Variants in SLC3A2 observed in about 807,000 individuals in gnomAD.
The protein encoded by SLC3A2 is amino acid transporter heavy chain SLC3A2.
A neutral mutation model predicts 48.5 loss-of-function variants in SLC3A2; 32 were observed. The observed-to-expected ratio is 0.66, with a 90% confidence interval of 0.50 to 0.89. The LOEUF is 0.89. Among genes scored for constraint, SLC3A2 ranks in the 40% least tolerant of loss-of-function variants. The pLI is 0.00. For missense variants in SLC3A2, 587 were observed against 680.7 expected (o/e 0.86, Z 1.53); for synonymous variants, 277 against 288.8 (o/e 0.96, Z 0.41).
rs1199681224 is a variant in SLC3A2 at position 62,882,286 on chromosome 11, C to T, written c.598+220C>T. 3 of 545,830 alleles carry T rather than the reference C, an allele frequency of 5.5e-6. No homozygotes were observed. The East Asian group carries it at 9.3e-5, about 17-fold the overall frequency. The allele number at this position is 545,830 out of a possible 1,614,324, so 33.8% of individuals were successfully genotyped here. A position where few individuals can be genotyped will look rare whatever the true frequency, so the allele number is the denominator to read the frequency against. ...TTGAGCAGGTCATTTAACTTCTGGG[C>T]TTCAGTGCCCTTATTTGCAAAATAT... On this transcript the variant is annotated intron_variant, in intron 2 of 8. Coordinates refer to ENST00000338663, the MANE Select transcript of SLC3A2 (RefSeq NM_001013251.3).
chr11:62,880,783 C>CT (rs1399060217), upstream of SLC3A2: 1 of 673,484 alleles, frequency 1.5e-6, no homozygotes, highest in Non-Finnish European at 2.3e-6. Flanking sequence ...GTGTTCCTGA[C>CT]TTTACTACCC....
intron 3 of SLC3A2, chr11:62,883,880 C>T (rs2085673448): frequency 2.4e-6 from 1 of 425,326 alleles, no homozygotes; most frequent in Non-Finnish European, 4.7e-6. Flanking sequence ...TTCCATTCAG[C>T]AGCACTGGCC....
intron 1 of SLC3A2, among the ~76,000 whole-genome samples, chr11:62,867,947 G>T (rs112003144): frequency 6.6e-6 from 1 of 150,756 alleles, no homozygotes; most frequent in African/African-American, 2.4e-5. Context: ...TTTTGAGACA[G>T]TCTCACTCTT....
At chr11:62,869,786 AT>A (rs755881489) in intron 1 of SLC3A2, among the ~76,000 whole-genome samples, 2,452 of 135,750 alleles carry the variant, frequency 0.018, 37 homozygotes, top group African/African-American at 0.054. Flanking sequence ...TCTTTTGTGT[AT>A]TTTTTTTTTT....
chr11:62,880,853 G>C, upstream of SLC3A2: 1 of 1,376,700 alleles, frequency 7.3e-7, no homozygotes, highest in South Asian at 1.6e-5. Context: ...GGCCGGGGCG[G>C]GGCTCCGCTG....
chr11:62,885,033 G>A, intron 5 of SLC3A2, 144 bp from the exon 6 acceptor site: 1 of 831,706 alleles, frequency 1.2e-6, no homozygotes, highest in Non-Finnish European at 1.9e-6. Context: ...GTTTCTCCAT[G>A]TTGGTCAAGC....
At chr11:62,866,108 T>G (rs975142760) in intron 1 of SLC3A2, among the ~76,000 whole-genome samples, 1 of 151,530 alleles carries the variant, frequency 6.6e-6, no homozygotes, top group Admixed American at 6.6e-5. Context: ...GCATGCCCAC[T>G]TTTTTCAGCC....
chr11:62,881,291 C>G lies in SLC3A2; in HGVS notation c.268C>G (p.Leu90Val). The stretch of plus-strand genomic sequence containing the variant: ...CTGGGCACTGCTGCTGCTCTTCTGG[C>G]TCGGCTGGCTCGGCATGCTTGCTGG... ...TRWALLLLFW[L>V]GWLGMLAGAV... is the part of the protein sequence containing the mutation. Residue 90 changes from leucine (L) to valine (V), a missense_variant, in exon 1 of 9, where the codon CTC becomes GTC. Physicochemically the swap from Leu to Val is conservative, Grantham distance 32 (BLOSUM62 1). Around this residue, in one of 3 missense-constraint regions of SLC3A2, gnomAD observed 409 missense variants for 446.7 expected, o/e 0.92. Transcript: ENST00000338663. The surrounding 1 kb of genome is among the most constrained non-coding windows in gnomAD (Gnocchi z 4.0). 2 of 1,576,388 alleles carry G rather than the reference C, an allele frequency of 1.3e-6. No individual in the cohort carries two copies. Among genetic ancestry groups the G allele is most frequent in the Non-Finnish European group, 1.7e-6 (2 of 1,164,312 alleles).
In SLC3A2 at chr11:62,870,838, GTAATAATAA is replaced by G. The variant is rs57671523; in HGVS notation, c.113-10170_113-10162del. On this transcript the variant is annotated intron_variant, in intron 1 of 9. Coordinates refer to the SLC3A2 transcript ENST00000377889. ...GCTTCCCAGAATGCCGAGATGATAG[GTAATAATAA>G]TAATAATAATTATTATTATTATTAT... 326 of 173,256 alleles carry G rather than the reference GTAATAATAA, an allele frequency of 1.9e-3. 4 individuals carry two copies. Among genetic ancestry groups the G allele is most frequent in the East Asian group, 0.019 (100 of 5,344 alleles). 10.7% of individuals were successfully genotyped at this position (173,256 alleles called of 1,614,324 possible).
intron 1 of SLC3A2, among the ~76,000 whole-genome samples, chr11:62,859,994 T>C (rs1381140093): frequency 6.6e-6 from 1 of 152,186 alleles, no homozygotes; most frequent in Non-Finnish European, 1.5e-5. Flanking sequence ...AGCACTGGTC[T>C]CTGAGTTCCC....
In SLC3A2 at chr11:62,882,013, A is replaced by G. The variant is rs1234295005; in HGVS notation, c.545A>G (p.Asn182Ser). 5.0e-6 allele frequency: 8 copies of G among 1,614,142 alleles called. No homozygotes were observed. The highest frequency in any genetic ancestry group is 3.3e-5 in the Admixed American group (2 of 60,022). Residue 182 changes from asparagine to serine, a missense_variant, in exon 2 of 9, where the codon AAT (asparagine) becomes AGT (serine). Transcript: ENST00000338663. ...ACTGACTTGCTGCAGATCGACCCCAATTTTGGCTCCAAGGAAGATTTTGAC... is the reference window on the plus strand; with the variant it reads ...ACTGACTTGCTGCAGATCGACCCCAGTTTTGGCTCCAAGGAAGATTTTGAC... Reference protein sequence around the residue: ...AQTDLLQIDPNFGSKEDFDSL... With the variant: ...AQTDLLQIDPSFGSKEDFDSL...
Position 62,881,187 on chromosome 11 carries a change from C to T in SLC3A2, c.164C>T (p.Ala55Val), listed in dbSNP as rs2085631867. 2 of 1,593,696 alleles carry T rather than the reference C, an allele frequency of 1.3e-6. No homozygotes were observed. The highest frequency in any genetic ancestry group is 1.7e-6 in the Non-Finnish European group (2 of 1,172,244). ...IKVAEDEAEA[A>V]AAAKFTGLSK... ...GTGGCGGAAGACGAGGCGGAGGCGG[C>T]AGCCGCGGCTAAGTTCACGGGCCTG... The change falls in exon 1 of 9, where the codon GCA becomes GTA. Residue 55 changes from alanine (A) to valine (V), a missense_variant. Ala to Val is a moderately conservative substitution (Grantham distance 64, BLOSUM62 0). This residue lies in a region of SLC3A2 where 409 missense variants were observed against 446.7 expected (regional missense o/e 0.92). Transcript: ENST00000338663. This position sits in a 1 kb window ranked among gnomAD's most constrained non-coding sequence, Gnocchi z 4.0.
chr11:62,858,062 C>T (rs573236824), intron 1 of SLC3A2, among the ~76,000 whole-genome samples: 10 of 151,842 alleles, frequency 6.6e-5, no homozygotes, highest in South Asian at 4.2e-4. Context: ...AAAAAAAAAC[C>T]GGGGAGAGTT....
At chr11:62,870,870 T>A (rs747348187) in intron 1 of SLC3A2, 334 of 186,078 alleles carry the variant, frequency 1.8e-3, no homozygotes, top group East Asian at 3.4e-3. Context: ...TTATTATTAT[T>A]ATTATTATTA....
intron 7 of SLC3A2, among the ~76,000 whole-genome samples, chr11:62,887,580 C>T (rs2085730807): frequency 6.6e-6 from 1 of 151,802 alleles, no homozygotes; most frequent in South Asian, 2.1e-4. Flanking sequence ...TGGTGCACAC[C>T]TATGGTCAGC....
chr11:62,859,189 C>T (rs1296559515), intron 1 of SLC3A2, among the ~76,000 whole-genome samples: 3 of 152,048 alleles, frequency 2.0e-5, no homozygotes, highest in African/African-American at 7.2e-5. Context: ...TGCGGCCTTC[C>T]GCAGTTTTTG....
chr11:62,860,884 T>C (rs1223167301), intron 1 of SLC3A2, among the ~76,000 whole-genome samples: 1 of 152,218 alleles, frequency 6.6e-6, no homozygotes, highest in African/African-American at 2.4e-5. Flanking sequence ...AAGCACATCC[T>C]GCACAGCCCT....
Position 62,888,548 on chromosome 11 carries a change from T to G in SLC3A2, c.1445T>G (p.Leu482Arg), listed in dbSNP as rs771932764. The change falls in exon 9 of 9, where the codon CTG becomes CGG. Residue 482 changes from leucine (L) to arginine (R), a missense_variant. By Grantham distance (102) the Leu-to-Arg change is moderately radical. This residue lies in a region of SLC3A2 where 169 missense variants were observed against 204.4 expected (regional missense o/e 0.83). Transcript: ENST00000338663. Reference sequence around the variant, plus strand: ...TCGGCTGGACTGCAGGCCTCCGACCTGCCTGCCAGCGCCAGCCTGCCAGCC... The same window carrying G: ...TCGGCTGGACTGCAGGCCTCCGACCGGCCTGCCAGCGCCAGCCTGCCAGCC... ...GLSAGLQASD[L>R]PASASLPAKA... 6.2e-7 allele frequency: 1 copy of G among 1,614,128 alleles called. No individual in the cohort carries two copies.
At chr11:62,871,794 G>C (rs1255987434) in intron 1 of SLC3A2, 4 of 367,596 alleles carry the variant, frequency 1.1e-5, no homozygotes, top group African/African-American at 8.5e-5. Flanking sequence ...ATGAATTATA[G>C]AGTCATCTTA....
Sources: gnomAD v4.1 joint callset for allele counts (sites outside exome capture counted in the v4.1 genomes callset) on GRCh38, gnomAD v4.1.1 for gene constraint, gnomAD v4.1.1 regional missense constraint, Gnocchi (gnomAD v3.1) non-coding constraint, MANE v1.5 for transcripts, NCBI Gene and HGNC (gene_info 2026-07-23, HGNC 2026-07-21) for gene names.